Variants in IMMP2L observed in about 807,000 individuals in gnomAD.
IMMP2L encodes inner mitochondrial membrane peptidase subunit 2.
In IMMP2L, 18 loss-of-function variants were observed where a neutral mutation model predicts 19.3. The ratio of observed to expected loss-of-function variants is 0.93; its 90% CI spans 0.64 to 1.38. The LOEUF (loss-of-function observed/expected upper bound fraction) is 1.38, where lower values mean the gene tolerates loss of function less well. Among genes scored for constraint, IMMP2L ranks in the 40% most tolerant of loss-of-function variants. The pLI, the probability that IMMP2L is intolerant of heterozygous loss-of-function variation, is 0.00. For missense variants in IMMP2L, 233 were observed against 218.2 expected, an observed-to-expected ratio of 1.07 and a Z score of -0.43; for synonymous variants, 76 against 73.0, an observed-to-expected ratio of 1.04 and a Z score of -0.21.
intron 5 of IMMP2L, among the ~76,000 whole-genome samples, chr7:110,815,696 AG>A (rs1476872104): frequency 1.3e-5 from 2 of 151,984 alleles, no homozygotes; most frequent in Non-Finnish European, 2.9e-5. Context: ...TAGTCTTGGG[AG>A]GGTGTATGTG....
chr7:110,743,446 T>A (rs901976624), intron 5 of IMMP2L, among the ~76,000 whole-genome samples: 1 of 152,100 alleles, frequency 6.6e-6, no homozygotes, highest in African/African-American at 2.4e-5. Context: ...ATTTAAAATG[T>A]TTTTTTAAAA....
At chr7:110,676,966 C>T (rs146096311) in intron 5 of IMMP2L, among the ~76,000 whole-genome samples, 7 of 152,316 alleles carry the variant, frequency 4.6e-5, no homozygotes, top group Non-Finnish European at 1.0e-4. Context: ...GCAGCTTCTA[C>T]TGTGACGTCA....
chr7:111,012,119 C>G (rs1376548950), intron 3 of IMMP2L, among the ~76,000 whole-genome samples: 2 of 152,022 alleles, frequency 1.3e-5, no homozygotes, highest in Non-Finnish European at 2.9e-5. Flanking sequence ...AGTTGAGGAG[C>G]TGAAATGTAA....
chr7:110,746,341 G>A (rs1302232135), intron 5 of IMMP2L, among the ~76,000 whole-genome samples: 3 of 152,102 alleles, frequency 2.0e-5, no homozygotes, highest in African/African-American at 7.2e-5. Flanking sequence ...ACATTAGACA[G>A]ATCCATGAGA....
intron 4 of IMMP2L, among the ~76,000 whole-genome samples, chr7:110,902,923 C>A (rs1812043779): frequency 3.2e-5 from 1 of 30,926 alleles, no homozygotes. Flanking sequence ...CAGAGCGAGA[C>A]TCCGTCTCAA....
At chr7:111,361,754 T>C (rs1413172086) in intron 3 of IMMP2L, among the ~76,000 whole-genome samples, 1 of 152,116 alleles carries the variant, frequency 6.6e-6, no homozygotes, top group Non-Finnish European at 1.5e-5. Flanking sequence ...TCATAACCTG[T>C]ATGTCAGGCA....
intron 3 of IMMP2L, among the ~76,000 whole-genome samples, chr7:111,336,526 TA>T (rs2130735912): frequency 6.6e-6 from 1 of 152,200 alleles, no homozygotes; most frequent in African/African-American, 2.4e-5. Flanking sequence ...TCTTTCAGCT[TA>T]AAAATTATCT....
At chr7:110,918,416 A>G (rs1813859116) in intron 4 of IMMP2L, among the ~76,000 whole-genome samples, 2 of 151,842 alleles carry the variant, frequency 1.3e-5, no homozygotes, top group African/African-American at 4.8e-5. Context: ...GAGCTATAAA[A>G]ATACCAAAAT....
chr7:110,666,228 CCT>C (rs1382499119), intron 5 of IMMP2L, among the ~76,000 whole-genome samples: 2 of 151,956 alleles, frequency 1.3e-5, no homozygotes, highest in Non-Finnish European at 2.9e-5. Context: ...ACCTGCTCCC[CCT>C]GAGATCAGAC....
intron 4 of IMMP2L, among the ~76,000 whole-genome samples, chr7:110,957,496 CAGAA>C (rs1327591818): frequency 6.6e-6 from 1 of 151,898 alleles, no homozygotes; most frequent in Non-Finnish European, 1.5e-5. Flanking sequence ...CTCCAAGCAG[CAGAA>C]AGAGTGATTC....
At chr7:110,985,089 T>C (rs1335844612) in intron 3 of IMMP2L, among the ~76,000 whole-genome samples, 1 of 151,972 alleles carries the variant, frequency 6.6e-6, no homozygotes, top group African/African-American at 2.4e-5. Context: ...AGGGAGACCA[T>C]GAACTACAAA....
intron 3 of IMMP2L, among the ~76,000 whole-genome samples, chr7:111,069,477 G>A (rs1297760893): frequency 6.6e-6 from 1 of 151,694 alleles, no homozygotes; most frequent in Non-Finnish European, 1.5e-5. Context: ...TACTACCTAG[G>A]GTCTTTGAAA....
At position 111,071,738 on chromosome 7, in the gene IMMP2L, A is replaced by G. The variant is rs560025680; in HGVS notation, c.240-108173T>C. ...CCAAGAGCAAGGGGAAAGGGAGAAC[A>G]GGAAATAACTGCTTAATGGGTACAG... On this transcript the variant is annotated intron_variant, in intron 3 of 5. Coordinates refer to ENST00000405709, the MANE Select transcript of IMMP2L (RefSeq NM_032549.4). 2.0e-5 allele frequency among the ~76,000 whole-genome samples: 3 copies of G among 152,306 alleles called. No homozygotes were observed. In the East Asian group the frequency reaches 5.8e-4, roughly 29 times the overall value.
At chr7:110,955,063 T>G (rs1818227045) in intron 4 of IMMP2L, among the ~76,000 whole-genome samples, 1 of 152,050 alleles carries the variant, frequency 6.6e-6, no homozygotes, top group African/African-American at 2.4e-5. Context: ...TTTATTAATC[T>G]TGATATAAAA....
intron 3 of IMMP2L, among the ~76,000 whole-genome samples, chr7:111,196,098 T>C (rs1481199214): frequency 6.6e-6 from 1 of 152,116 alleles, no homozygotes; most frequent in Non-Finnish European, 1.5e-5. Context: ...GGTCTTGAAC[T>C]ACTTGGATCA....
chr7:111,494,048 C>T (rs1001777635), intron 2 of IMMP2L, among the ~76,000 whole-genome samples: 3 of 151,984 alleles, frequency 2.0e-5, no homozygotes, highest in Non-Finnish European at 4.4e-5. Flanking sequence ...TGAAGTTAAA[C>T]ACATCAAGTA....
At chr7:110,979,247 C>T (rs886437384) in intron 3 of IMMP2L, among the ~76,000 whole-genome samples, 11 of 152,024 alleles carry the variant, frequency 7.2e-5, no homozygotes, top group African/African-American at 2.4e-4. Context: ...CTGGCTATCG[C>T]TACAAATTTG....
chr7:111,049,119 TTTTTTTTTTTTTTTTTC>T lies in IMMP2L; in HGVS notation c.240-85571_240-85555del, dbSNP rs1238273913. Among the ~76,000 whole-genome samples, 6 of 10,672 alleles carry T rather than the reference TTTTTTTTTTTTTTTTTC, an allele frequency of 5.6e-4. No individual in the cohort carries two copies. In the Non-Finnish European group the frequency reaches 0.015, roughly 26 times the overall value. The allele number at this position is 10,672 out of a possible 152,430, so 7.0% of individuals were successfully genotyped here. The stretch of plus-strand genomic sequence containing the variant: ...AGGGCATTGATTTTTATGATACTTC[TTTTTTTTTTTTTTTTTC>T]TTTTTTTTTTTTGGGACGGAGTCTC... On this transcript the variant is annotated intron_variant, in intron 3 of 5. Coordinates refer to ENST00000405709, the MANE Select transcript of IMMP2L (RefSeq NM_032549.4).
chr7:111,435,172 A>T (rs1396672934), intron 3 of IMMP2L, among the ~76,000 whole-genome samples: 1 of 151,916 alleles, frequency 6.6e-6, no homozygotes, highest in Non-Finnish European at 1.5e-5. Context: ...TATACTGATC[A>T]CACTTCTGGG....
Sources: gnomAD v4.1 joint callset for allele counts (sites outside exome capture counted in the v4.1 genomes callset) on GRCh38, gnomAD v4.1.1 for gene constraint, MANE v1.5 for transcripts, NCBI Gene and HGNC (gene_info 2026-07-23, HGNC 2026-07-21) for gene names.